The following ZNF540 variants were observed in gnomAD, a reference collection of about 807,000 sequenced individuals.
ZNF540 encodes zinc finger protein 540, also known as CTD-3064H18.6.
Under a neutral mutation model 11.8 loss-of-function variants are expected in ZNF540, and 3 were observed. The observed-to-expected ratio is 0.25, with a 90% CI of 0.12 to 0.65. The LOEUF is 0.65. Among genes scored for constraint, ZNF540 ranks in the 30% least tolerant of loss-of-function variants. ZNF540 has a pLI of 0.83. For missense variants in ZNF540, 709 were observed against 793.1 expected (o/e 0.89, Z 1.27); for synonymous variants, 247 against 259.0 (o/e 0.95, Z 0.45).
intron 1 of ZNF540, chr19:37,566,259 A>G (rs2042855422): frequency 7.4e-6 from 12 of 1,612,840 alleles, no homozygotes; most frequent in South Asian, 1.1e-5. Flanking sequence ...TTTTCTGGAG[A>G]TAACTTTTTG....
intron 4 of ZNF540, among the ~76,000 whole-genome samples, chr19:37,604,406 C>T (rs2044066539): frequency 6.7e-6 from 1 of 149,410 alleles, no homozygotes; most frequent in Non-Finnish European, 1.5e-5. Context: ...CTCCCGGGTT[C>T]ACGCCATTCT....
intron 1 of ZNF540, among the ~76,000 whole-genome samples, chr19:37,588,627 G>A (rs1265372736): frequency 2.0e-5 from 3 of 152,136 alleles, no homozygotes; most frequent in African/African-American, 7.2e-5. Context: ...CTACCTGGGT[G>A]ACTGGATCAT....
intron 1 of ZNF540, chr19:37,586,501 ATT>A: frequency 1.4e-6 from 1 of 701,308 alleles, no homozygotes; most frequent in Admixed American, 2.5e-5. Context: ...GGGGAAAAGC[ATT>A]GAGAAGAATT....
At chr19:37,605,744 T>TCA (rs2044080705) in intron 4 of ZNF540, among the ~76,000 whole-genome samples, 1 of 152,220 alleles carries the variant, frequency 6.6e-6, no homozygotes, top group Admixed American at 6.5e-5. Context: ...TGTTGTATTG[T>TCA]CAGTCATTTT....
intron 1 of ZNF540, chr19:37,566,095 T>C (rs1344625369): frequency 6.2e-7 from 1 of 1,614,068 alleles, no homozygotes; most frequent in Non-Finnish European, 8.5e-7. Context: ...CACAGGTAAT[T>C]TTGACACACA....
intron 1 of ZNF540, chr19:37,564,415 T>G (rs930697838): frequency 3.9e-5 from 17 of 440,544 alleles, no homozygotes; most frequent in Non-Finnish European, 6.2e-5. Context: ...TTCAGCATTA[T>G]ATTCTAGCGT....
At chr19:37,576,910 CT>C (rs1049485797) in intron 1 of ZNF540, among the ~76,000 whole-genome samples, 6 of 151,228 alleles carry the variant, frequency 4.0e-5, no homozygotes, top group East Asian at 1.9e-4. Flanking sequence ...GCTTATATCC[CT>C]TTTTTTTTGT....
At chr19:37,605,186 C>T (rs955934913) in intron 4 of ZNF540, among the ~76,000 whole-genome samples, 9 of 152,058 alleles carry the variant, frequency 5.9e-5, no homozygotes, top group Non-Finnish European at 7.4e-5. Flanking sequence ...CTGGGCTGGG[C>T]GCAGTAGTTC....
At chr19:37,609,722 C>T (rs2044113705) in intron 4 of ZNF540, among the ~76,000 whole-genome samples, 1 of 151,744 alleles carries the variant, frequency 6.6e-6, no homozygotes, top group South Asian at 2.1e-4. Context: ...GTGGCATGCA[C>T]CTGTAATCCC....
Position 37,611,975 on chromosome 19 carries a change from T to C in ZNF540, c.695T>C (p.Leu232Pro). ...TTTAGTCATAGCTATCAACTTACTC[T>C]GCATCAGAGATTTCATACTGGTGAG... ...KVFSHSYQLT[L>P]HQRFHTGEKP... is the part of the protein sequence containing the mutation. The change falls in exon 5 of 5, where the codon CTG becomes CCG. Residue 232 changes from leucine (L) to proline (P), a missense_variant. By Grantham distance (98) the Leu-to-Pro change is moderately conservative. Coordinates refer to ENST00000316433, the MANE Select transcript of ZNF540 (RefSeq NM_001172225.3). 1.9e-6 allele frequency: 3 copies of C among 1,613,660 alleles called. No individual in the cohort carries two copies. The highest frequency in any genetic ancestry group is 2.5e-6 in the Non-Finnish European group (3 of 1,179,954).
intron 1 of ZNF540, among the ~76,000 whole-genome samples, chr19:37,573,668 CAA>C (rs55763844): frequency 6.8e-5 from 6 of 88,086 alleles, no homozygotes; most frequent in Admixed American, 1.2e-4. Flanking sequence ...CTTGTGTCTA[CAA>C]AAAAAAAAAA....
Position 37,599,662 on chromosome 19 carries a change from T to C in ZNF540, c.46T>C (p.Ser16Pro). Residue 16 changes from serine (S) to proline (P), a missense_variant, in exon 3 of 5, where the codon TCT becomes CCT. Physicochemically the swap from Ser to Pro is moderately conservative, Grantham distance 74. Transcript: ENST00000316433. The part of the protein sequence containing the change: ...VTFRDVAIDF[S>P]QKEWECLDTT... ...GTTCAGGGATGTGGCTATAGACTTC[T>C]CTCAGAAGGAATGGGAGTGCCTGGA... 6.2e-7 allele frequency: 1 copy of C among 1,614,094 alleles called. No individual in the cohort carries two copies. The highest frequency in any genetic ancestry group is 8.5e-7 in the Non-Finnish European group (1 of 1,179,982).
chr19:37,555,937 C>G, intron 1 of ZNF540: 1 of 700,900 alleles, frequency 1.4e-6, no homozygotes, highest in Non-Finnish European at 2.6e-6. Flanking sequence ...GCTAAAGTTA[C>G]ACATGTCCAA....
At chr19:37,575,928 T>C (rs541708644) in intron 1 of ZNF540, 4 of 152,188 alleles carry the variant, frequency 2.6e-5, no homozygotes, top group Non-Finnish European at 4.4e-5. Flanking sequence ...TTTCCGTTAA[T>C]TAACTCCACA....
intron 4 of ZNF540, among the ~76,000 whole-genome samples, chr19:37,608,981 C>A (rs1001923975): frequency 1.3e-5 from 2 of 152,020 alleles, no homozygotes; most frequent in Non-Finnish European, 1.5e-5. Context: ...ATTTAGATTG[C>A]CACCCTCCAG....
chr19:37,560,233 G>A (rs1165838163), intron 1 of ZNF540, among the ~76,000 whole-genome samples: 1 of 150,596 alleles, frequency 6.6e-6, no homozygotes, highest in Non-Finnish European at 1.5e-5. Context: ...AGCTGAGATT[G>A]CGCCACTGCA....
rs1297952481 is a variant in ZNF540, at chr19:37,588,587, AACCT to A, written c.-72-9779_-72-9776del. Among the ~76,000 whole-genome samples the A allele has an allele frequency of 3.3e-5, 5 of 152,170 alleles. No homozygotes were observed. In the East Asian group the frequency reaches 7.7e-4, roughly 23 times the overall value. The stretch of plus-strand genomic sequence containing the variant: ...AGAGAAGGAGGAGGGCAAAGGAGCA[AACCT>A]ACCTACCTATCAGGTATCCTGCTCA... On this transcript the variant is annotated intron_variant, in intron 1 of 4. Coordinates refer to the ZNF540 transcript ENST00000592533.
chr19:37,557,395 G>A (rs1215939516), intron 1 of ZNF540, among the ~76,000 whole-genome samples: 1 of 152,194 alleles, frequency 6.6e-6, no homozygotes, highest in Non-Finnish European at 1.5e-5. Context: ...TACATGCACC[G>A]TAGCAAAGGC....
intron 1 of ZNF540, among the ~76,000 whole-genome samples, chr19:37,588,686 T>C (rs748782668): frequency 6.6e-6 from 1 of 152,164 alleles, no homozygotes; most frequent in Non-Finnish European, 1.5e-5. Flanking sequence ...AACCTGAACA[T>C]GTACCCCCTG....
Sources: gnomAD v4.1 joint callset for allele counts (sites outside exome capture counted in the v4.1 genomes callset) on GRCh38, gnomAD v4.1.1 for gene constraint, MANE v1.5 for transcripts, NCBI Gene and HGNC (gene_info 2026-07-23, HGNC 2026-07-21) for gene names.